SEC22A: variants seen among roughly 807,000 people sequenced by gnomAD.
SEC22A encodes the protein vesicle-trafficking protein SEC22a.
SEC22A carries 22 observed loss-of-function variants against 35.3 expected under a neutral mutation model. That is an observed-to-expected ratio of 0.62 (90% CI 0.45 to 0.89). The LOEUF (loss-of-function observed/expected upper bound fraction) is 0.89, where lower values mean the gene tolerates loss of function less well. Among genes scored for constraint, SEC22A ranks in the 40% least tolerant of loss-of-function variants. The pLI is 0.00. For synonymous variants in SEC22A, 119 were observed against 129.5 expected (o/e 0.92, Z 0.55); for missense variants, 354 against 362.5 (o/e 0.98, Z 0.19).
At chr3:123,251,858 A>G (rs1382754413) in intron 5 of SEC22A, among the ~76,000 whole-genome samples, 1 of 152,092 alleles carries the variant, frequency 6.6e-6, no homozygotes, top group Non-Finnish European at 1.5e-5. Context: ...TCCTTTTCCC[A>G]CTGTGAAGAT....
At chr3:123,234,251 T>G (rs1365024248) in intron 4 of SEC22A, among the ~76,000 whole-genome samples, 1 of 152,222 alleles carries the variant, frequency 6.6e-6, no homozygotes, top group Non-Finnish European at 1.5e-5. Flanking sequence ...CCGGCTTTTT[T>G]TGTAGAAATT....
chr3:123,269,701 C>T (rs1046707368), intron 6 of SEC22A, among the ~76,000 whole-genome samples: 6 of 135,646 alleles, frequency 4.4e-5, no homozygotes, highest in Admixed American at 2.5e-4. Context: ...GGTGTGATCT[C>T]GGCTCACTGC....
Position 123,271,966 on chromosome 3 carries a change from G to C in SEC22A, c.*244G>C. ...TTTCTCTCTTCAAGGCCGTAACAGT[G>C]GAAGAACAGTCATATGCCATTGGAA... On this transcript the variant is annotated 3_prime_UTR_variant, in exon 7 of 7. Coordinates refer to ENST00000492595, the MANE Select transcript of SEC22A (RefSeq NM_012430.5). 1 of 514,082 alleles carries C rather than the reference G, an allele frequency of 1.9e-6. No homozygotes were observed. The highest frequency in any genetic ancestry group is 3.5e-6 in the Non-Finnish European group (1 of 285,980). 31.8% of individuals were successfully genotyped at this position (514,082 alleles called of 1,614,324 possible).
At chr3:123,249,031 C>T (rs1937589136) in intron 5 of SEC22A, among the ~76,000 whole-genome samples, 2 of 152,204 alleles carry the variant, frequency 1.3e-5, no homozygotes. Flanking sequence ...GTTCCCACAA[C>T]CCCCTCCTTG....
At chr3:123,259,458 G>A in intron 5 of SEC22A, 66 bp from the exon 6 acceptor site, 1 of 1,108,058 alleles carries the variant, frequency 9.0e-7, no homozygotes, top group African/African-American at 1.5e-5. Flanking sequence ...ATCCTATCTT[G>A]ATGGATTGTT....
chr3:123,269,026 GTC>G (rs1208631602), intron 6 of SEC22A, among the ~76,000 whole-genome samples: 1 of 152,150 alleles, frequency 6.6e-6, no homozygotes, highest in Non-Finnish European at 1.5e-5. Flanking sequence ...CATTGCTTCA[GTC>G]AGGAAATGTG....
At chr3:123,259,249 T>C (rs541003039) in intron 5 of SEC22A, among the ~76,000 whole-genome samples, 1 of 152,224 alleles carries the variant, frequency 6.6e-6, no homozygotes, top group African/African-American at 2.4e-5. Flanking sequence ...TTTATCGTTA[T>C]GTCAGAACTT....
intron 6 of SEC22A, among the ~76,000 whole-genome samples, chr3:123,268,176 GT>G (rs527819032): frequency 1.0e-3 from 152 of 152,252 alleles, no homozygotes; most frequent in African/African-American, 3.6e-3. Flanking sequence ...GGTCACAGGG[GT>G]TTTTTGTGTG....
chr3:123,210,886 A>G (rs896943915), intron 2 of SEC22A, among the ~76,000 whole-genome samples: 2 of 152,208 alleles, frequency 1.3e-5, no homozygotes, highest in Non-Finnish European at 2.9e-5. Context: ...GAGGCAGAAT[A>G]AGCAAAGAAT....
At chr3:123,204,292 A>G (rs189136983) in intron 1 of SEC22A, among the ~76,000 whole-genome samples, 28 of 152,368 alleles carry the variant, frequency 1.8e-4, no homozygotes, top group Admixed American at 1.6e-3. Context: ...AAGTCAATTC[A>G]AAGACCAATA....
chr3:123,239,760 T>G (rs1937492944), intron 4 of SEC22A, among the ~76,000 whole-genome samples: 1 of 152,180 alleles, frequency 6.6e-6, no homozygotes, highest in Non-Finnish European at 1.5e-5. Context: ...TGCGAAAATT[T>G]TCTCCCATTT....
intron 4 of SEC22A, among the ~76,000 whole-genome samples, chr3:123,227,066 T>C (rs1335996396): frequency 6.6e-6 from 1 of 152,214 alleles, no homozygotes; most frequent in African/African-American, 2.4e-5. Flanking sequence ...AGTGATCGTC[T>C]GCTCAAACCT....
At chr3:123,217,788 T>C (rs918366234) in intron 2 of SEC22A, among the ~76,000 whole-genome samples, 1 of 152,232 alleles carries the variant, frequency 6.6e-6, no homozygotes, top group Non-Finnish European at 1.5e-5. Context: ...TGTATATATC[T>C]TGGTTTGTAA....
At chr3:123,217,765 A>C (rs1207314907) in intron 2 of SEC22A, among the ~76,000 whole-genome samples, 9 of 152,240 alleles carry the variant, frequency 5.9e-5, no homozygotes, top group Non-Finnish European at 1.2e-4. Flanking sequence ...GTCATTTAGC[A>C]TGCTACATTT....
At chr3:123,223,834 T>C in intron 3 of SEC22A, 112 bp downstream of exon 3, 1 of 729,786 alleles carries the variant, frequency 1.4e-6, no homozygotes, top group Non-Finnish European at 2.2e-6. Flanking sequence ...TTTGATATAA[T>C]AATTTGGTAA....
intron 5 of SEC22A, among the ~76,000 whole-genome samples, chr3:123,248,137 T>C (rs1472536735): frequency 6.6e-6 from 1 of 152,152 alleles, no homozygotes; most frequent in Non-Finnish European, 1.5e-5. Flanking sequence ...TGCTTCCCCC[T>C]AAGACCAGGA....
chr3:123,207,514 A>G (rs915915370), intron 1 of SEC22A, among the ~76,000 whole-genome samples: 4 of 152,190 alleles, frequency 2.6e-5, no homozygotes, highest in African/African-American at 9.7e-5. Flanking sequence ...CTTTAGTGAC[A>G]TTGTGCTTTG....
At position 123,217,203 on chromosome 3, in the gene SEC22A, A is replaced by ATTT. The variant is rs201483175; in HGVS notation, c.183-6346_183-6344dup. Among the ~76,000 whole-genome samples, 390 of 144,866 alleles carry ATTT rather than the reference A, an allele frequency of 2.7e-3. 4 individuals carry two copies. Among genetic ancestry groups the ATTT allele is most frequent in the African/African-American group, 9.2e-3 (362 of 39,442 alleles). On this transcript the variant is annotated intron_variant, in intron 2 of 6. Transcript: ENST00000492595. ...AATGTGGAAGGCTCTATTCCAAAAC[A>ATTT]TTTTTTTTTTTTGAGATGGAGTCTC...
rs755054114 is a variant in SEC22A, at chr3:123,245,898, G to C, written c.542-1G>C. ...TTCTAACTATTTCTTTTATTTTCCA[G>C]CTCACCAGCGACTGGAACCAGCAAC... On this transcript the variant is annotated splice_acceptor_variant, in intron 4 of 6. Transcript: ENST00000492595. LOFTEE classifies it high-confidence loss of function. The C allele has an allele frequency of 3.2e-6, 5 of 1,558,820 alleles. No individual in the cohort carries two copies. The African/African-American group carries it at 5.4e-5, about 17-fold the overall frequency.
Sources: gnomAD v4.1 joint callset for allele counts (sites outside exome capture counted in the v4.1 genomes callset) on GRCh38, gnomAD v4.1.1 for gene constraint, MANE v1.5 for transcripts, NCBI Gene and HGNC (gene_info 2026-07-23, HGNC 2026-07-21) for gene names.